JAKMIP1: variants seen among roughly 807,000 people sequenced by gnomAD.
JAKMIP1 encodes the protein janus kinase and microtubule interacting protein 1, also known as janus kinase and microtubule-interacting protein 1.
A neutral mutation model predicts 113.0 loss-of-function variants in JAKMIP1; 33 were observed. That is an observed-to-expected ratio of 0.29 (90% confidence interval 0.22 to 0.39). The LOEUF (loss-of-function observed/expected upper bound fraction) is 0.39, where lower values mean the gene tolerates loss of function less well. JAKMIP1 is among the 10% of genes least tolerant of loss of function. JAKMIP1 has a pLI of 1.00. For missense variants in JAKMIP1, 813 were observed against 1,080.5 expected, an observed-to-expected ratio of 0.75 and a Z score of 3.47; for synonymous variants, 480 against 459.9, an observed-to-expected ratio of 1.04 and a Z score of -0.56.
At chr4:6,087,222 C>A (rs1721429864) in intron 3 of JAKMIP1, among the ~76,000 whole-genome samples, 1 of 152,172 alleles carries the variant, frequency 6.6e-6, no homozygotes, top group Non-Finnish European at 1.5e-5. Context: ...GAAGGGCCCT[C>A]TTCTGATAGC....
rs1450166650 is a variant in JAKMIP1, at chr4:6,143,211, G to A, written c.-147-30214C>T. Among the ~76,000 whole-genome samples the A allele has an allele frequency of 6.6e-6, 1 of 152,162 alleles. No homozygotes were observed. The highest frequency in any genetic ancestry group is 2.4e-5 in the African/African-American group (1 of 41,452). ...GCACCTTGCACAGTGCCTGGTGCGTGGTAGAGTTTGCAGAAAGCACTATCT... is the reference window on the plus strand; with the variant it reads ...GCACCTTGCACAGTGCCTGGTGCGTAGTAGAGTTTGCAGAAAGCACTATCT... On this transcript the variant is annotated intron_variant, in intron 1 of 20. Coordinates refer to ENST00000409021, the MANE Select transcript of JAKMIP1 (RefSeq NM_001099433.2). The surrounding 1 kb of genome is among the most constrained non-coding windows in gnomAD (Gnocchi z 4.9).
At chr4:6,038,281 C>T (rs1713820318) in intron 18 of JAKMIP1, among the ~76,000 whole-genome samples, 1 of 147,158 alleles carries the variant, frequency 6.8e-6, no homozygotes, top group East Asian at 2.0e-4. Context: ...GAGGCAGAGG[C>T]TAACCGGTAT....
intron 13 of JAKMIP1, chr4:6,053,742 A>G (rs753979369): frequency 1.5e-4 from 175 of 1,199,306 alleles, no homozygotes; most frequent in Non-Finnish European, 1.7e-4. Context: ...AAACACAAAT[A>G]AAAAAGGCAA....
chr4:6,027,261 C>T (rs6822853), intron 20 of JAKMIP1, among the ~76,000 whole-genome samples: 2,112 of 152,254 alleles, frequency 0.014, 40 homozygotes, highest in African/African-American at 0.045. Context: ...TTCTCCCCCC[C>T]AAAACAAGGT....
chr4:6,123,847 C>T (rs548621602), intron 1 of JAKMIP1, among the ~76,000 whole-genome samples: 1 of 152,252 alleles, frequency 6.6e-6, no homozygotes, highest in Non-Finnish European at 1.5e-5. Flanking sequence ...AAAGAAAAGG[C>T]CTGGGAAGTC....
At position 6,194,432 on chromosome 4, in the gene JAKMIP1, G is replaced by GGTGA. The variant is rs1465748202; in HGVS notation, c.-148+5817_-148+5820dup. ...CCAGCCACCAGATGCAACAGGATAG[G>GGTGA]GTGAGAGAAGACAGGAGACAGAAGC... On this transcript the variant is annotated intron_variant, in intron 1 of 20. Transcript: ENST00000409021. This position sits in a 1 kb window ranked among gnomAD's most constrained non-coding sequence, Gnocchi z 7.4. 1 of 152,074 alleles carries GGTGA rather than the reference G, an allele frequency of 6.6e-6. No individual in the cohort carries two copies. The highest frequency in any genetic ancestry group is 6.6e-5 in the Admixed American group (1 of 15,228). The allele number at this position is 152,074 out of a possible 1,614,324, so 9.4% of individuals were successfully genotyped here.
chr4:6,122,578 T>C (rs1716861685), intron 1 of JAKMIP1, among the ~76,000 whole-genome samples: 1 of 152,164 alleles, frequency 6.6e-6, no homozygotes, highest in African/African-American at 2.4e-5. Context: ...AATAACATAA[T>C]GTGATATAAA....
In JAKMIP1 at chr4:6,097,860, G is replaced by A. The variant is rs1209506915; in HGVS notation, c.624+7613C>T. ...GATCAAAAGCACCCAAGACCAGGAT[G>A]TCAGGTTTTTGTCTGGCTTTGAATA... On this transcript the variant is annotated intron_variant, in intron 3 of 20. Coordinates refer to ENST00000409021, the MANE Select transcript of JAKMIP1 (RefSeq NM_001099433.2). The surrounding 1 kb of genome is among the most constrained non-coding windows in gnomAD (Gnocchi z 4.3). Among the ~76,000 whole-genome samples the A allele has an allele frequency of 1.3e-5, 2 of 152,234 alleles. No homozygotes were observed. Among genetic ancestry groups the A allele is most frequent in the Non-Finnish European group, 2.9e-5 (2 of 68,046 alleles).
chr4:6,135,807 T>C lies in JAKMIP1; in HGVS notation c.-147-22810A>G, dbSNP rs1719150409. On this transcript the variant is annotated intron_variant, in intron 1 of 20. Coordinates refer to ENST00000409021, the MANE Select transcript of JAKMIP1 (RefSeq NM_001099433.2). The surrounding 1 kb of genome is among the most constrained non-coding windows in gnomAD (Gnocchi z 4.9). ...CCCTAAACCACACTGCCCAGCACAATGCTGGCTCACACAGAACTTCTTACT... is the reference window on the plus strand; with the variant it reads ...CCCTAAACCACACTGCCCAGCACAACGCTGGCTCACACAGAACTTCTTACT... Among the ~76,000 whole-genome samples the C allele has an allele frequency of 6.6e-6, 1 of 151,748 alleles. No individual in the cohort carries two copies. Among genetic ancestry groups the C allele is most frequent in the South Asian group, 2.1e-4 (1 of 4,802 alleles).
rs1720279559 is a variant in JAKMIP1, at chr4:6,080,077, C to T, written c.1242+95G>A. ...ACTGCCTGACCCTGACCCAGCTCAGCAGCATCACCCTGAGCCCCAACACCC... is the reference window on the plus strand; with the variant it reads ...ACTGCCTGACCCTGACCCAGCTCAGTAGCATCACCCTGAGCCCCAACACCC... On this transcript the variant is annotated intron_variant, in intron 7 of 20. Coordinates refer to ENST00000409021, the MANE Select transcript of JAKMIP1 (RefSeq NM_001099433.2). The surrounding 1 kb of genome is among the most constrained non-coding windows in gnomAD (Gnocchi z 6.0). The T allele has an allele frequency of 2.9e-6, 4 of 1,391,914 alleles. No individual in the cohort carries two copies. The East Asian group carries it at 1.0e-4, about 35-fold the overall frequency. The allele number at this position is 1,391,914 out of a possible 1,614,324, so 86.2% of individuals were successfully genotyped here.
intron 19 of JAKMIP1, 70 bp from the exon 20 acceptor site, chr4:6,029,851 T>C: frequency 3.7e-6 from 4 of 1,077,462 alleles, no homozygotes; most frequent in South Asian, 1.3e-5. Flanking sequence ...TTTTATTTTT[T>C]ATTGTGGTCT....
intron 11 of JAKMIP1, among the ~76,000 whole-genome samples, chr4:6,057,467 G>A (rs1716636747): frequency 6.6e-6 from 1 of 152,178 alleles, no homozygotes; most frequent in Non-Finnish European, 1.5e-5. Flanking sequence ...CAGAGGCCCG[G>A]CCTAGGGTCT....
rs150137264 is a variant in JAKMIP1 at position 6,111,662 on chromosome 4, C to T, written c.129+1060G>A. ...TAGCGGACAAGCTGAGGTTTGAAAC[C>T]GGGTCTGCCTAGAAAGCCTGTGCTC... On this transcript the variant is annotated intron_variant, in intron 2 of 20. Transcript: ENST00000409021. Among the ~76,000 whole-genome samples, 333 of 152,316 alleles carry T rather than the reference C, an allele frequency of 2.2e-3. 3 individuals carry two copies. Among genetic ancestry groups the T allele is most frequent in the African/African-American group, 7.5e-3 (310 of 41,570 alleles).
rs551276435 is a variant in JAKMIP1 at position 6,090,096 on chromosome 4, C to G, written c.625-4467G>C. On this transcript the variant is annotated intron_variant, in intron 3 of 20. Coordinates refer to ENST00000409021, the MANE Select transcript of JAKMIP1 (RefSeq NM_001099433.2). The stretch of plus-strand genomic sequence containing the variant: ...AATTAGCCAGGTGAGGTGGTGCATG[C>G]CTGTAATCCCAGCTATTAGGGAGGC... Among the ~76,000 whole-genome samples, 106 of 152,240 alleles carry G rather than the reference C, an allele frequency of 7.0e-4. 1 individual carries two copies. The highest frequency in any genetic ancestry group is 1.3e-3 in the Non-Finnish European group (90 of 68,016).
In JAKMIP1 at chr4:6,167,171, C is replaced by T. The variant is rs1040051332; in HGVS notation, c.-148+33082G>A. On this transcript the variant is annotated intron_variant, in intron 1 of 20. Coordinates refer to ENST00000409021, the MANE Select transcript of JAKMIP1 (RefSeq NM_001099433.2). This position sits in a 1 kb window ranked among gnomAD's most constrained non-coding sequence, Gnocchi z 5.3. ...GCTCCTCCTTCCAGGGCCCTGCCTC[C>T]GCAAAGAGCACGATGTTCTGGCCAC... 3.9e-5 allele frequency among the ~76,000 whole-genome samples: 6 copies of T among 152,150 alleles called. No homozygotes were observed. The highest frequency in any genetic ancestry group is 8.8e-5 in the Non-Finnish European group (6 of 68,026).
At chr4:6,035,265 T>C (rs1713256605) in intron 19 of JAKMIP1, among the ~76,000 whole-genome samples, 1 of 152,130 alleles carries the variant, frequency 6.6e-6, no homozygotes. Context: ...GCCTCAGTTC[T>C]CTCGTCTGGA....
chr4:6,116,722 T>C lies in JAKMIP1; in HGVS notation c.-147-3725A>G, dbSNP rs1375825344. 1.3e-5 allele frequency among the ~76,000 whole-genome samples: 2 copies of C among 152,172 alleles called. No homozygotes were observed. Among genetic ancestry groups the C allele is most frequent in the African/African-American group, 2.4e-5 (1 of 41,444 alleles). On this transcript the variant is annotated intron_variant, in intron 1 of 20. Transcript: ENST00000409021. The surrounding 1 kb of genome is among the most constrained non-coding windows in gnomAD (Gnocchi z 5.1). ...CTACAGGAAATTAATATACCGGGCATGCAGGAGGACCAGACAAGGTCCCAG... is the reference window on the plus strand; with the variant it reads ...CTACAGGAAATTAATATACCGGGCACGCAGGAGGACCAGACAAGGTCCCAG...
rs535498794 is a variant in JAKMIP1, at chr4:6,128,335, G to A, written c.-147-15338C>T. ...AGTGGTGTCTTTCCATGGAGTCAGGGCAAGGGAAGTGTCCCCACAGGTGTG... is the reference window on the plus strand; with the variant it reads ...AGTGGTGTCTTTCCATGGAGTCAGGACAAGGGAAGTGTCCCCACAGGTGTG... On this transcript the variant is annotated intron_variant, in intron 1 of 20. Coordinates refer to ENST00000409021, the MANE Select transcript of JAKMIP1 (RefSeq NM_001099433.2). Among the ~76,000 whole-genome samples, 104 of 152,276 alleles carry A rather than the reference G, an allele frequency of 6.8e-4. 1 individual carries two copies. Among genetic ancestry groups the A allele is most frequent in the Non-Finnish European group, 1.2e-3 (84 of 68,020 alleles).
rs1722160745 is a variant in JAKMIP1, at chr4:6,155,797, T to A, written c.-147-42800A>T. On this transcript the variant is annotated intron_variant, in intron 1 of 20. Transcript: ENST00000409021. This position sits in a 1 kb window ranked among gnomAD's most constrained non-coding sequence, Gnocchi z 6.1. ...AAATTTTGCTCTGAAGGCCTGTGTA[T>A]CCTGATTCCCAAGTGTGCTTGCTAA... is the stretch of plus-strand genomic sequence containing the variant. Among the ~76,000 whole-genome samples the A allele has an allele frequency of 6.6e-6, 1 of 152,218 alleles. No individual in the cohort carries two copies. The highest frequency in any genetic ancestry group is 2.4e-5 in the African/African-American group (1 of 41,458).
Sources: gnomAD v4.1 joint callset for allele counts (sites outside exome capture counted in the v4.1 genomes callset) on GRCh38, gnomAD v4.1.1 for gene constraint, Gnocchi (gnomAD v3.1) non-coding constraint, MANE v1.5 for transcripts, NCBI Gene and HGNC (gene_info 2026-07-23, HGNC 2026-07-21) for gene names.